ATP8A2: variants seen among roughly 807,000 people sequenced by gnomAD.
ATP8A2 encodes ATPase phospholipid transporting 8A2, also known as phospholipid-transporting ATPase IB.
ATP8A2 carries 100 observed loss-of-function variants against 165.6 expected under a neutral mutation model. The observed-to-expected ratio is 0.60, with a 90% CI of 0.51 to 0.71. The LOEUF (loss-of-function observed/expected upper bound fraction) is 0.71, where lower values mean the gene tolerates loss of function less well. Ranked by LOEUF, ATP8A2 falls within the 30% of genes least tolerant of loss-of-function variation. ATP8A2 has a pLI of 0.00. For missense variants in ATP8A2, 1,227 were observed against 1,479.5 expected (o/e 0.83, Z 2.80); for synonymous variants, 543 against 548.8 (o/e 0.99, Z 0.15).
chr13:26,006,557 G>C (rs1204288271), intron 35 of ATP8A2, among the ~76,000 whole-genome samples: 1 of 151,980 alleles, frequency 6.6e-6, no homozygotes, highest in Non-Finnish European at 1.5e-5. Flanking sequence ...TTGAATAGAA[G>C]TGCTGAAAGT....
At chr13:25,814,538 T>C (rs1950959510) in intron 27 of ATP8A2, among the ~76,000 whole-genome samples, 1 of 143,192 alleles carries the variant, frequency 7.0e-6, no homozygotes, top group Non-Finnish European at 1.5e-5. Context: ...GTAGACCCAA[T>C]GGAATAGAAT....
intron 24 of ATP8A2, among the ~76,000 whole-genome samples, chr13:25,631,600 C>G (rs1343915562): frequency 6.6e-6 from 1 of 151,968 alleles, no homozygotes; most frequent in African/African-American, 2.4e-5. Flanking sequence ...TGGTGACCTC[C>G]TACTTCATTC....
chr13:25,527,420 C>T (rs1593463544), intron 2 of ATP8A2, among the ~76,000 whole-genome samples: 1 of 152,054 alleles, frequency 6.6e-6, no homozygotes, highest in African/African-American at 2.4e-5. Context: ...CTGGTGTGTT[C>T]GAGAAGTACC....
intron 24 of ATP8A2, among the ~76,000 whole-genome samples, chr13:25,688,884 ATCT>A (rs386769190): frequency 0.13 from 19,108 of 152,224 alleles, 1,337 homozygotes; most frequent in Admixed American, 0.2. Context: ...TATGGCTATG[ATCT>A]TCACTGCCAG....
chr13:25,596,909 G>A (rs3121589), intron 24 of ATP8A2, among the ~76,000 whole-genome samples: 126,469 of 152,186 alleles, frequency 0.83, 53,561 homozygotes, highest in African/African-American at 0.92. Context: ...TATCTTCACC[G>A]GTGTTTGGTA....
rs187633129 is a variant in ATP8A2, at chr13:25,757,042, C to T, written c.2385-12004C>T. 9.9e-5 allele frequency among the ~76,000 whole-genome samples: 15 copies of T among 152,244 alleles called. 1 individual carries two copies. In the East Asian group the frequency reaches 1.2e-3, roughly 12 times the overall value. Reference sequence around the variant, plus strand: ...CATTAATATGTTCACACATTGCCAACGCCTGAGTTCTTTTCTCCTTCCCCA... The same window carrying T: ...CATTAATATGTTCACACATTGCCAATGCCTGAGTTCTTTTCTCCTTCCCCA... On this transcript the variant is annotated intron_variant, in intron 25 of 36. Transcript: ENST00000381655.
At chr13:25,633,056 A>G (rs2041282654) in intron 24 of ATP8A2, among the ~76,000 whole-genome samples, 1 of 152,186 alleles carries the variant, frequency 6.6e-6, no homozygotes, top group South Asian at 2.1e-4. Flanking sequence ...TTGATTCTCA[A>G]AGTATTGAAA....
chr13:25,929,066 T>C (rs936049858), intron 33 of ATP8A2, among the ~76,000 whole-genome samples: 8 of 152,348 alleles, frequency 5.3e-5, no homozygotes, highest in African/African-American at 1.9e-4. Flanking sequence ...CCCGAGGTTA[T>C]GTTCTGCATC....
At chr13:25,525,466 C>T (rs919105170) in intron 2 of ATP8A2, among the ~76,000 whole-genome samples, 5 of 152,218 alleles carry the variant, frequency 3.3e-5, no homozygotes, top group East Asian at 1.9e-4. Flanking sequence ...GAAGAAGCTC[C>T]TTTAGTATTT....
intron 30 of ATP8A2, among the ~76,000 whole-genome samples, chr13:25,858,865 G>T (rs1227384015): frequency 6.6e-6 from 1 of 152,072 alleles, no homozygotes; most frequent in East Asian, 1.9e-4. Flanking sequence ...AACAATAGAT[G>T]CCGGAGAACT....
intron 24 of ATP8A2, among the ~76,000 whole-genome samples, chr13:25,627,793 G>C (rs1316646629): frequency 6.6e-6 from 1 of 152,142 alleles, no homozygotes; most frequent in Non-Finnish European, 1.5e-5. Flanking sequence ...TGCATCATTT[G>C]GTGAGGCCAC....
At chr13:25,808,927 G>T (rs1443200148) in intron 27 of ATP8A2, among the ~76,000 whole-genome samples, 1 of 152,090 alleles carries the variant, frequency 6.6e-6, no homozygotes, top group South Asian at 2.1e-4. Flanking sequence ...TTTCCACAGA[G>T]CTGAAAGAGA....
At position 25,476,424 on chromosome 13, in the gene ATP8A2, G is replaced by T. The variant is rs118146436; in HGVS notation, c.221+7303G>T. On this transcript the variant is annotated intron_variant, in intron 2 of 36. Transcript: ENST00000381655. Reference sequence around the variant, plus strand: ...GCCCCTCAGACTCTCGAGTAGCTGCGATTACAGGCACCCGCCACCACGGCC... The same window carrying T: ...GCCCCTCAGACTCTCGAGTAGCTGCTATTACAGGCACCCGCCACCACGGCC... Among the ~76,000 whole-genome samples the T allele has an allele frequency of 4.2e-3, 646 of 152,008 alleles. 2 individuals are homozygous for T. Among genetic ancestry groups the T allele is most frequent in the Non-Finnish European group, 7.7e-3 (523 of 67,988 alleles).
intron 27 of ATP8A2, among the ~76,000 whole-genome samples, chr13:25,827,035 G>A (rs182271619): frequency 4.1e-4 from 62 of 152,160 alleles, no homozygotes; most frequent in African/African-American, 1.3e-3. Flanking sequence ...TGCTGCCTCC[G>A]TGTATTCAGA....
intron 24 of ATP8A2, among the ~76,000 whole-genome samples, chr13:25,682,650 T>C (rs527635255): frequency 1.3e-5 from 2 of 152,212 alleles, no homozygotes; most frequent in Non-Finnish European, 2.9e-5. Context: ...GCCCGAAGAA[T>C]GTTGAACCTG....
chr13:25,496,176 A>G (rs999989728), intron 2 of ATP8A2, among the ~76,000 whole-genome samples: 6 of 152,170 alleles, frequency 3.9e-5, no homozygotes, highest in African/African-American at 1.4e-4. Context: ...CATTCCTACA[A>G]TTGATGACTT....
intron 30 of ATP8A2, among the ~76,000 whole-genome samples, chr13:25,850,453 G>A (rs930317176): frequency 6.0e-5 from 8 of 132,608 alleles, no homozygotes; most frequent in Non-Finnish European, 1.2e-4. Context: ...TGCCTGAAAT[G>A]TTCTTCCCCC....
chr13:25,380,164 A>G (rs957903187), intron 1 of ATP8A2, among the ~76,000 whole-genome samples: 8 of 152,262 alleles, frequency 5.3e-5, no homozygotes, highest in African/African-American at 1.9e-4. Context: ...GTCATGATGG[A>G]AAACAGCTGG....
intron 28 of ATP8A2, among the ~76,000 whole-genome samples, chr13:25,833,191 A>G (rs1302436012): frequency 6.6e-6 from 1 of 152,060 alleles, no homozygotes; most frequent in Non-Finnish European, 1.5e-5. Flanking sequence ...TACATTTTTA[A>G]AAGTCTTATT....
Sources: gnomAD v4.1 joint callset for allele counts (sites outside exome capture counted in the v4.1 genomes callset) on GRCh38, gnomAD v4.1.1 for gene constraint, MANE v1.5 for transcripts, NCBI Gene and HGNC (gene_info 2026-07-23, HGNC 2026-07-21) for gene names.